Variants in ITFG1 observed in about 807,000 individuals in gnomAD.
ITFG1 encodes integrin alpha FG-GAP repeat containing 1, also known as T-cell immunomodulatory protein.
In ITFG1, 34 loss-of-function variants were observed where a neutral mutation model predicts 81.8. The ratio of observed to expected loss-of-function variants is 0.42; its 90% CI spans 0.32 to 0.55. ITFG1 has a LOEUF of 0.55. ITFG1 is among the 20% of genes least tolerant of loss of function. The pLI is 0.17. For synonymous variants in ITFG1, 285 were observed against 270.6 expected (o/e 1.05, Z -0.52); for missense variants, 672 against 755.4 (o/e 0.89, Z 1.29).
intron 14 of ITFG1, among the ~76,000 whole-genome samples, chr16:47,169,483 T>C (rs551490865): frequency 6.6e-6 from 1 of 152,144 alleles, no homozygotes; most frequent in Non-Finnish European, 1.5e-5. Context: ...TTTTCTTTTT[T>C]AAAAATTTCT....
At chr16:47,309,079 T>TC (rs1164672575) in intron 10 of ITFG1, among the ~76,000 whole-genome samples, 20 of 150,934 alleles carry the variant, frequency 1.3e-4, no homozygotes, top group African/African-American at 4.9e-4. Context: ...TTTTTTTTTT[T>TC]TTTTTTTGAG....
At chr16:47,339,920 A>G (rs1208655980) in intron 8 of ITFG1, among the ~76,000 whole-genome samples, 1 of 152,152 alleles carries the variant, frequency 6.6e-6, no homozygotes, top group Admixed American at 6.5e-5. Context: ...ACACACAGCC[A>G]AACTATTAAA....
chr16:47,321,945 A>G (rs906381159), intron 8 of ITFG1, among the ~76,000 whole-genome samples: 5 of 152,206 alleles, frequency 3.3e-5, no homozygotes, highest in Admixed American at 6.5e-5. Flanking sequence ...TATCATCTAC[A>G]TTACTATGTG....
At chr16:47,407,037 G>T (rs1468349548) in intron 6 of ITFG1, among the ~76,000 whole-genome samples, 2 of 152,158 alleles carry the variant, frequency 1.3e-5, no homozygotes, top group Admixed American at 6.5e-5. Flanking sequence ...GGAGATAATG[G>T]TGGGCCGAGT....
chr16:47,429,425 T>C (rs369839228), intron 5 of ITFG1, among the ~76,000 whole-genome samples: 1 of 152,242 alleles, frequency 6.6e-6, no homozygotes, highest in African/African-American at 2.4e-5. Flanking sequence ...TGTGGACATA[T>C]GTCTTTAATT....
chr16:47,265,604 A>G (rs574548545), intron 10 of ITFG1, among the ~76,000 whole-genome samples: 2 of 152,306 alleles, frequency 1.3e-5, no homozygotes, highest in African/African-American at 2.4e-5. Flanking sequence ...AGGATAAGTT[A>G]AAGATGTATA....
intron 13 of ITFG1, among the ~76,000 whole-genome samples, chr16:47,227,514 G>C (rs1045283883): frequency 1.3e-5 from 2 of 152,172 alleles, no homozygotes; most frequent in African/African-American, 4.8e-5. Context: ...TGCAGTTTAG[G>C]TGTTGTATCA....
intron 14 of ITFG1, among the ~76,000 whole-genome samples, chr16:47,198,959 A>C (rs1422238529): frequency 6.6e-6 from 1 of 152,200 alleles, no homozygotes; most frequent in Non-Finnish European, 1.5e-5. Context: ...TTTATTATTG[A>C]AGAAAAATAT....
At chr16:47,215,980 A>G (rs1278157991) in intron 14 of ITFG1, among the ~76,000 whole-genome samples, 2 of 152,102 alleles carry the variant, frequency 1.3e-5, no homozygotes, top group Admixed American at 1.3e-4. Context: ...TTCTACTCCA[A>G]TCTAGAAACA....
intron 14 of ITFG1, among the ~76,000 whole-genome samples, chr16:47,198,051 G>A (rs544486616): frequency 5.9e-5 from 9 of 152,192 alleles, no homozygotes; most frequent in Non-Finnish European, 8.8e-5. Flanking sequence ...CTGTTATTAC[G>A]GATTGAAGTT....
At chr16:47,248,700 T>A (rs1306383880) in intron 12 of ITFG1, among the ~76,000 whole-genome samples, 1 of 152,224 alleles carries the variant, frequency 6.6e-6, no homozygotes, top group South Asian at 2.1e-4. Flanking sequence ...CAAGGCTGAA[T>A]TTACTATGAT....
intron 14 of ITFG1, among the ~76,000 whole-genome samples, chr16:47,208,992 C>T (rs1348429992): frequency 6.6e-6 from 1 of 152,010 alleles, no homozygotes; most frequent in Non-Finnish European, 1.5e-5. Context: ...AAATGTTTAT[C>T]ATTGTCATCC....
At chr16:47,403,170 C>T (rs1219727861) in intron 6 of ITFG1, among the ~76,000 whole-genome samples, 1 of 151,134 alleles carries the variant, frequency 6.6e-6, no homozygotes, top group African/African-American at 2.4e-5. Flanking sequence ...TTATAACACA[C>T]AAAATAATTG....
intron 12 of ITFG1, among the ~76,000 whole-genome samples, chr16:47,250,835 C>G (rs1966065257): frequency 6.6e-6 from 1 of 152,184 alleles, no homozygotes; most frequent in Admixed American, 6.5e-5. Flanking sequence ...CCCCCAGCAG[C>G]TCATTGGGAA....
rs768192091 is a variant in ITFG1 at position 47,162,568 on chromosome 16, A to G, written c.1550T>C (p.Val517Ala). 18 of 1,612,142 alleles carry G rather than the reference A, an allele frequency of 1.1e-5. No individual in the cohort carries two copies. In the South Asian group the frequency reaches 1.5e-4, roughly 14 times the overall value. ...RSANFLDHLY[V>A]GIPRPSGEKS... is the part of the protein sequence containing the mutation. ...TTCTCCAGATGGACGGGGAATACCA[A>G]CGTAGAGATGGTCAAGAAAATTTGC... Residue 517 changes from valine (V) to alanine (A), a missense_variant, in exon 15 of 18, where the codon GTT becomes GCT. Transcript: ENST00000320640.
intron 14 of ITFG1, among the ~76,000 whole-genome samples, chr16:47,210,811 T>C (rs1965552817): frequency 6.6e-6 from 1 of 152,208 alleles, no homozygotes; most frequent in African/African-American, 2.4e-5. Flanking sequence ...AATCAATGTA[T>C]CTGTACTTCT....
chr16:47,259,576 C>A (rs1047531477), intron 11 of ITFG1, among the ~76,000 whole-genome samples: 1 of 152,008 alleles, frequency 6.6e-6, no homozygotes, highest in Non-Finnish European at 1.5e-5. Context: ...GAGAATAAGT[C>A]TCTTATAAAA....
At chr16:47,451,495 C>T (rs1969388979) in intron 4 of ITFG1, 25 bp from the exon 5 acceptor site, 2 of 1,238,782 alleles carry the variant, frequency 1.6e-6, no homozygotes, top group Admixed American at 3.8e-5. Context: ...AAACAATAAG[C>T]AGCTATTTCT....
At chr16:47,298,502 A>G (rs1375135106) in intron 10 of ITFG1, among the ~76,000 whole-genome samples, 1 of 151,600 alleles carries the variant, frequency 6.6e-6, no homozygotes, top group Non-Finnish European at 1.5e-5. Flanking sequence ...TCAGGATGTG[A>G]CTATGATGTT....
Sources: gnomAD v4.1 joint callset for allele counts (sites outside exome capture counted in the v4.1 genomes callset) on GRCh38, gnomAD v4.1.1 for gene constraint, MANE v1.5 for transcripts, NCBI Gene and HGNC (gene_info 2026-07-23, HGNC 2026-07-21) for gene names.